Variants in ERCC6L2 observed in about 807,000 individuals in gnomAD.
ERCC6L2 encodes ERCC excision repair 6 like 2.
In ERCC6L2, 77 loss-of-function variants were observed where a neutral mutation model predicts 132.0. The ratio of observed to expected loss-of-function variants is 0.58; its 90% confidence interval spans 0.49 to 0.71. The LOEUF (loss-of-function observed/expected upper bound fraction) is 0.71, where lower values mean the gene tolerates loss of function less well. ERCC6L2 is among the 30% of genes least tolerant of loss of function. ERCC6L2 has a pLI of 0.00. For missense variants in ERCC6L2, 1,542 were observed against 1,837.6 expected (o/e 0.84, Z 2.94); for synonymous variants, 583 against 632.4 (o/e 0.92, Z 1.17).
rs539718636 is a variant in ERCC6L2 at position 96,031,948 on chromosome 9, G to A, written c.*1504-6928G>A. ...AAAAATTTAGATCCCACTGACTTTG[G>A]ACAACATTGCAGTCAAGAAAAGTAG... is the stretch of plus-strand genomic sequence containing the variant. On this transcript the variant is annotated intron_variant and NMD_transcript_variant, in intron 19 of 20. Transcript: ENST00000670016. 2.6e-5 allele frequency among the ~76,000 whole-genome samples: 4 copies of A among 152,288 alleles called. No individual in the cohort carries two copies. In the South Asian group the frequency reaches 6.2e-4, roughly 24 times the overall value.
At position 96,017,987 on chromosome 9, in the gene ERCC6L2, CAGA is replaced by C. The variant is rs1401161578; in HGVS notation, c.*4787_*4789del. ...TATGCAAAGTGAAATAAATCAGACA[CAGA>C]AGGACAAATACTGTATGATTCCACT... On this transcript the variant is annotated 3_prime_UTR_variant, in exon 19 of 19. Transcript: ENST00000653738. Among the ~76,000 whole-genome samples the C allele has an allele frequency of 1.3e-5, 2 of 152,144 alleles. No homozygotes were observed. The highest frequency in any genetic ancestry group is 2.9e-5 in the Non-Finnish European group (2 of 68,018).
At chr9:95,923,159 A>G (rs1305638493) in intron 8 of ERCC6L2, 101 bp from the exon 9 acceptor site, 1 of 1,390,124 alleles carries the variant, frequency 7.2e-7, no homozygotes, top group Non-Finnish European at 9.6e-7. Context: ...TTAAAGTAAT[A>G]CATTCTTTCT....
At chr9:95,918,341 G>T in intron 6 of ERCC6L2, 2 of 377,702 alleles carry the variant, frequency 5.3e-6, no homozygotes, top group Non-Finnish European at 5.2e-6. Flanking sequence ...CAAATGACAC[G>T]ATGTTTCTAA....
chr9:96,030,991 G>A (rs779514622), intron 19 of ERCC6L2, among the ~76,000 whole-genome samples: 3 of 152,186 alleles, frequency 2.0e-5, no homozygotes, highest in Non-Finnish European at 2.9e-5. Flanking sequence ...AGGGGTCTGT[G>A]AGTATAAAAG....
In ERCC6L2 at chr9:96,004,702, G is replaced by A. The variant is rs768066139; in HGVS notation, c.3674+1G>A. On this transcript the variant is annotated splice_donor_variant, in intron 18 of 18. Coordinates refer to ENST00000653738, the MANE Select transcript of ERCC6L2 (RefSeq NM_020207.7). LOFTEE classifies it high-confidence loss of function. ...GAGAAACACCAAAAGGAATCCGCAGGTATATTGTCTCTGACAATACTATAC... is the reference window on the plus strand; with the variant it reads ...GAGAAACACCAAAAGGAATCCGCAGATATATTGTCTCTGACAATACTATAC... The A allele has an allele frequency of 1.3e-5, 17 of 1,335,658 alleles. No individual in the cohort carries two copies. Among genetic ancestry groups the A allele is most frequent in the Non-Finnish European group, 1.6e-5 (16 of 1,004,016 alleles). The allele number at this position is 1,335,658 out of a possible 1,614,324, so 82.7% of individuals were successfully genotyped here.
intron 19 of ERCC6L2, among the ~76,000 whole-genome samples, chr9:96,035,768 A>C (rs1381181899): frequency 6.6e-6 from 1 of 152,166 alleles, no homozygotes; most frequent in Non-Finnish European, 1.5e-5. Flanking sequence ...GGAACACTGG[A>C]CAAGATAGGC....
chr9:96,001,071 C>T lies in ERCC6L2; in HGVS notation c.3493-3449C>T, dbSNP rs1038707272. ...GCGGTGAGTGTTACAGCTCTTAAGG[C>T]AGCGCGTCTGGAGTTGTTCATTCCT... On this transcript the variant is annotated intron_variant, in intron 17 of 18. Coordinates refer to ENST00000653738, the MANE Select transcript of ERCC6L2 (RefSeq NM_020207.7). Among the ~76,000 whole-genome samples, 4 of 151,502 alleles carry T rather than the reference C, an allele frequency of 2.6e-5. No individual in the cohort carries two copies. The East Asian group carries it at 5.9e-4, about 22-fold the overall frequency.
chr9:95,894,052 A>G (rs1587855867), intron 2 of ERCC6L2, among the ~76,000 whole-genome samples: 1 of 152,170 alleles, frequency 6.6e-6, no homozygotes, highest in Non-Finnish European at 1.5e-5. Context: ...AATACACCTA[A>G]CCTACTGAAC....
rs147437789 is a variant in ERCC6L2 at position 95,936,189 on chromosome 9, GAGA to G, written c.1752-5256_1752-5254del. Among the ~76,000 whole-genome samples, 1,333 of 152,278 alleles carry G rather than the reference GAGA, an allele frequency of 8.8e-3. 12 individuals carry two copies. The highest frequency in any genetic ancestry group is 0.041 in the Middle Eastern group (12 of 294). ...TTAGTGGGAAAGGGAAGTAGTCATG[GAGA>G]AGAAGAAGTCTATAGTGATACTTAG... is the stretch of plus-strand genomic sequence containing the variant. On this transcript the variant is annotated intron_variant, in intron 11 of 18. Coordinates refer to ENST00000653738, the MANE Select transcript of ERCC6L2 (RefSeq NM_020207.7).
At chr9:95,950,253 A>G (rs952618325) in intron 12 of ERCC6L2, among the ~76,000 whole-genome samples, 4 of 152,204 alleles carry the variant, frequency 2.6e-5, no homozygotes, top group Admixed American at 6.5e-5. Context: ...ATTGATATCA[A>G]TGTAAAATCA....
At chr9:95,909,407 A>C (rs1829234372) in intron 4 of ERCC6L2, among the ~76,000 whole-genome samples, 1 of 152,204 alleles carries the variant, frequency 6.6e-6, no homozygotes, top group Non-Finnish European at 1.5e-5. Flanking sequence ...AAACAAGGTA[A>C]AAACTATTTT....
At chr9:96,009,982 C>T (rs564510077) in intron 18 of ERCC6L2, among the ~76,000 whole-genome samples, 5 of 152,210 alleles carry the variant, frequency 3.3e-5, no homozygotes, top group African/African-American at 9.6e-5. Context: ...TGTAACCTTG[C>T]CAATCACTTA....
intron 3 of ERCC6L2, among the ~76,000 whole-genome samples, chr9:95,905,940 G>A (rs960640020): frequency 1.3e-5 from 2 of 152,104 alleles, no homozygotes; most frequent in African/African-American, 4.8e-5. Context: ...GAAAATAATC[G>A]TACTGGTAAC....
intron 17 of ERCC6L2, among the ~76,000 whole-genome samples, chr9:95,986,990 C>A (rs1461561344): frequency 3.9e-5 from 6 of 151,970 alleles, no homozygotes; most frequent in Non-Finnish European, 7.4e-5. Flanking sequence ...AAATGAGAGC[C>A]AAGAGAAAGG....
chr9:96,027,820 C>T (rs972834971), intron 19 of ERCC6L2: 6 of 152,452 alleles, frequency 3.9e-5, no homozygotes, highest in African/African-American at 1.4e-4. Flanking sequence ...CAGCCTTCTA[C>T]TGAATCTCCT....
intron 17 of ERCC6L2, among the ~76,000 whole-genome samples, chr9:95,992,222 A>T (rs1833326973): frequency 6.6e-6 from 1 of 152,184 alleles, no homozygotes; most frequent in South Asian, 2.1e-4. Flanking sequence ...AAAGTTCCTT[A>T]TGTTAACATG....
chr9:95,923,866 T>A (rs1372284023), intron 9 of ERCC6L2, among the ~76,000 whole-genome samples: 3 of 152,218 alleles, frequency 2.0e-5, no homozygotes. Flanking sequence ...ATCGTAAAGT[T>A]GCAAATAGTC....
intron 17 of ERCC6L2, among the ~76,000 whole-genome samples, chr9:96,002,012 A>C (rs2133195091): frequency 6.6e-6 from 1 of 152,322 alleles, no homozygotes; most frequent in South Asian, 2.1e-4. Flanking sequence ...GGCTGCTCCG[A>C]GTGCGGGGCG....
At chr9:95,897,067 A>C (rs1450395231) in intron 2 of ERCC6L2, among the ~76,000 whole-genome samples, 1 of 149,756 alleles carries the variant, frequency 6.7e-6, no homozygotes. Flanking sequence ...TTTTCTTCTT[A>C]TTTATTTTTG....
Sources: gnomAD v4.1 joint callset for allele counts (sites outside exome capture counted in the v4.1 genomes callset) on GRCh38, gnomAD v4.1.1 for gene constraint, MANE v1.5 for transcripts, NCBI Gene and HGNC (gene_info 2026-07-23, HGNC 2026-07-21) for gene names.